Variants in ERP44 observed in about 807,000 individuals in gnomAD.
ERP44 encodes endoplasmic reticulum protein 44, also known as endoplasmic reticulum resident protein 44.
A neutral mutation model predicts 53.4 loss-of-function variants in ERP44; 25 were observed. The observed-to-expected ratio is 0.47, with a 90% confidence interval of 0.34 to 0.65. The LOEUF is 0.65. ERP44 is among the 30% of genes least tolerant of loss of function. ERP44 has a pLI of 0.01. For synonymous variants in ERP44, 145 were observed against 161.2 expected (o/e 0.90, Z 0.76); for missense variants, 338 against 493.2 (o/e 0.69, Z 2.98).
At chr9:100,098,751 G>C (rs374322405) in intron 1 of ERP44, 33 bp downstream of exon 1, 1 of 1,596,778 alleles carries the variant, frequency 6.3e-7, no homozygotes, top group Non-Finnish European at 8.6e-7. Context: ...CCGTTCGTGC[G>C]TTTGTCGATG....
intron 1 of ERP44, among the ~76,000 whole-genome samples, chr9:100,062,558 T>C (rs1333716486): frequency 6.6e-6 from 1 of 152,170 alleles, no homozygotes; most frequent in Non-Finnish European, 1.5e-5. Flanking sequence ...TCAATAATAT[T>C]TACAGTGTCT....
chr9:100,022,176 A>G lies in ERP44; in HGVS notation c.337T>C (p.Phe113Leu). ...CTCTTCATCATCATCCCATTACGAA[A>G]CAATTTGAGGGTTGGGTATTTGCTT... The part of the protein sequence containing the change: ...RISKYPTLKL[F>L]RNGMMMKREY... The change falls in exon 5 of 12, where the codon TTT (phenylalanine) becomes CTT (leucine). Residue 113 changes from phenylalanine to leucine, a missense_variant. By Grantham distance (22) the Phe-to-Leu change is conservative. Coordinates refer to ENST00000262455, the MANE Select transcript of ERP44 (RefSeq NM_015051.3). 1 of 1,613,814 alleles carries G rather than the reference A, an allele frequency of 6.2e-7. No individual in the cohort carries two copies. The highest frequency in any genetic ancestry group is 8.5e-7 in the Non-Finnish European group (1 of 1,179,868).
At chr9:99,993,076 T>C (rs1202206318) in intron 10 of ERP44, among the ~76,000 whole-genome samples, 6 of 152,220 alleles carry the variant, frequency 3.9e-5, no homozygotes, top group Non-Finnish European at 8.8e-5. Flanking sequence ...ATCATAAAAA[T>C]GGCCATACTG....
At chr9:100,098,706 G>T (rs1201874142) in intron 1 of ERP44, 78 bp downstream of exon 1, 22 of 1,167,808 alleles carry the variant, frequency 1.9e-5, no homozygotes, top group Non-Finnish European at 2.8e-5. Flanking sequence ...GCAGGGGCAG[G>T]AGTAGCAGTG....
At chr9:100,043,014 C>T (rs1315762278) in intron 4 of ERP44, among the ~76,000 whole-genome samples, 4 of 151,830 alleles carry the variant, frequency 2.6e-5, no homozygotes, top group Admixed American at 2.0e-4. Flanking sequence ...AATCCCAGCA[C>T]TTTGGGAGGC....
intron 1 of ERP44, among the ~76,000 whole-genome samples, chr9:100,089,355 C>T (rs544250736): frequency 5.9e-4 from 90 of 152,084 alleles, no homozygotes; most frequent in African/African-American, 2.0e-3. Context: ...CCAAGGCAGG[C>T]GGATCACCTT....
intron 1 of ERP44, among the ~76,000 whole-genome samples, chr9:100,080,241 C>T (rs1018911102): frequency 2.0e-5 from 3 of 152,168 alleles, no homozygotes; most frequent in African/African-American, 7.2e-5. Flanking sequence ...TGAACGCTTG[C>T]TATGACAGAG....
intron 7 of ERP44, among the ~76,000 whole-genome samples, chr9:100,017,143 T>C (rs1260035121): frequency 6.6e-6 from 1 of 152,226 alleles, no homozygotes; most frequent in East Asian, 1.9e-4. Flanking sequence ...CAATTATCTA[T>C]GAAGTGTCTA....
At chr9:100,032,732 C>A (rs1267270973) in intron 4 of ERP44, among the ~76,000 whole-genome samples, 1 of 152,172 alleles carries the variant, frequency 6.6e-6, no homozygotes, top group Admixed American at 6.5e-5. Flanking sequence ...CATCCACAGA[C>A]AATGTTGTCT....
intron 1 of ERP44, among the ~76,000 whole-genome samples, chr9:100,087,210 A>T (rs1826495254): frequency 6.6e-6 from 1 of 152,088 alleles, no homozygotes; most frequent in South Asian, 2.1e-4. Flanking sequence ...AAAATAATAT[A>T]ACAAATTTAT....
intron 1 of ERP44, among the ~76,000 whole-genome samples, chr9:100,086,168 G>T (rs1826479822): frequency 6.6e-6 from 1 of 152,140 alleles, no homozygotes; most frequent in Non-Finnish European, 1.5e-5. Flanking sequence ...AAACAGCAGG[G>T]CATAACGCAT....
chr9:100,091,868 C>T (rs1191313628), intron 1 of ERP44, among the ~76,000 whole-genome samples: 3 of 152,180 alleles, frequency 2.0e-5, no homozygotes, highest in African/African-American at 7.2e-5. Context: ...GATGCTGATG[C>T]CTGGGCTCAC....
At chr9:99,998,946 G>T in intron 10 of ERP44, 1 of 1,584,728 alleles carries the variant, frequency 6.3e-7, no homozygotes, top group Non-Finnish European at 8.7e-7. Flanking sequence ...CACACAGTAG[G>T]TTTCTAAAAA....
intron 4 of ERP44, among the ~76,000 whole-genome samples, chr9:100,022,442 A>C (rs1426987706): frequency 6.6e-6 from 1 of 152,240 alleles, no homozygotes; most frequent in African/African-American, 2.4e-5. Flanking sequence ...TTTGCGACTT[A>C]CTGGCCATGT....
chr9:99,987,856 C>T (rs1852865), intron 10 of ERP44, among the ~76,000 whole-genome samples: 101,781 of 152,034 alleles, frequency 0.67, 35,139 homozygotes, highest in East Asian at 0.91. Context: ...CATTGCTGAA[C>T]AGTATTTCCC....
intron 4 of ERP44, among the ~76,000 whole-genome samples, chr9:100,043,301 G>C (rs1435159899): frequency 1.4e-5 from 1 of 73,172 alleles, no homozygotes; most frequent in Admixed American, 1.5e-4. Context: ...AGATAAATAA[G>C]ACATAGTATT....
intron 10 of ERP44, among the ~76,000 whole-genome samples, chr9:99,990,633 CATA>C (rs1830243348): frequency 6.6e-6 from 1 of 152,196 alleles, no homozygotes; most frequent in Non-Finnish European, 1.5e-5. Context: ...CAGCTAACAT[CATA>C]ATGACAGGAT....
rs1271305444 is a variant in ERP44 at position 100,006,554 on chromosome 9, A to G, written c.968T>C (p.Ile323Thr). Residue 323 changes from isoleucine (I) to threonine (T), a missense_variant, in exon 10 of 12, where the codon ATT (isoleucine) becomes ACT (threonine). Coordinates refer to ENST00000262455, the MANE Select transcript of ERP44 (RefSeq NM_015051.3). ...KTPADCPVIA[I>T]DSFRHMYVFG... Reference sequence around the variant, plus strand: ...CACATACATATGCCTAAAGCTGTCAATAGCGATTACAGGACAATCTGCTGG... The same window carrying G: ...CACATACATATGCCTAAAGCTGTCAGTAGCGATTACAGGACAATCTGCTGG... 6.2e-7 allele frequency: 1 copy of G among 1,611,416 alleles called. No individual in the cohort carries two copies. The highest frequency in any genetic ancestry group is 8.5e-7 in the Non-Finnish European group (1 of 1,178,400).
In ERP44 at chr9:100,024,812, C is replaced by T. The variant is rs542452123; in HGVS notation, c.287-2586G>A. 2.0e-5 allele frequency among the ~76,000 whole-genome samples: 3 copies of T among 152,074 alleles called. No individual in the cohort carries two copies. In the South Asian group the frequency reaches 6.2e-4, roughly 32 times the overall value. On this transcript the variant is annotated intron_variant, in intron 4 of 11. Coordinates refer to ENST00000262455, the MANE Select transcript of ERP44 (RefSeq NM_015051.3). ...ATTTGAATTGGAAGTACTGGTATGA[C>T]CTCATGTTGTTCTCTTTCAAAAAAT... is the stretch of plus-strand genomic sequence containing the variant.
Sources: gnomAD v4.1 joint callset for allele counts (sites outside exome capture counted in the v4.1 genomes callset) on GRCh38, gnomAD v4.1.1 for gene constraint, MANE v1.5 for transcripts, NCBI Gene and HGNC (gene_info 2026-07-23, HGNC 2026-07-21) for gene names.